Variants in PROSER1 observed in about 807,000 individuals in gnomAD.
PROSER1 encodes proline and serine rich 1.
A neutral mutation model predicts 71.8 loss-of-function variants in PROSER1; 36 were observed. The ratio of observed to expected loss-of-function variants is 0.50; its 90% CI spans 0.38 to 0.66. The LOEUF (loss-of-function observed/expected upper bound fraction) is 0.66. Among genes scored for constraint, PROSER1 ranks in the 30% least tolerant of loss-of-function variants. PROSER1 has a pLI of 0.00. For missense variants in PROSER1, 1,107 were observed against 1,135.0 expected, an observed-to-expected ratio of 0.98 and a Z score of 0.35; for synonymous variants, 490 against 452.4, an observed-to-expected ratio of 1.08 and a Z score of -1.06.
Position 39,012,865 on chromosome 13 carries a change from G to A in PROSER1, c.2387C>T (p.Thr796Ile). Residue 796 changes from threonine to isoleucine, a missense_variant, in exon 11 of 13, where the codon ACC becomes ATC. Coordinates refer to ENST00000352251, the MANE Select transcript of PROSER1 (RefSeq NM_025138.5). ...PSYPGFSVSN[T>I]PSVTPALPSF... ...GGGAAGAGCAGGGGTAACGCTTGGG[G>A]TATTAGAGACAGAAAAGCCTGGATA... 6.2e-7 allele frequency: 1 copy of A among 1,614,184 alleles called. No homozygotes were observed. The highest frequency in any genetic ancestry group is 8.5e-7 in the Non-Finnish European group (1 of 1,180,018).
chr13:39,013,170 GAATACTGGTGCAATGGGA>G lies in PROSER1; in HGVS notation c.2064_2081del (p.Pro689_Phe694del). On this transcript the variant is annotated inframe_deletion, in exon 11 of 13. Transcript: ENST00000352251. Reference sequence around the variant, plus strand: ...AAGAAGTAAAAGAAGGAAGAGCAGTGAATACTGGTGCAATGGGAGTGGAGGAACCATGTGGTGGAAGGG... The same window carrying G: ...AAGAAGTAAAAGAAGGAAGAGCAGTGGTGGAGGAACCATGTGGTGGAAGGG... The G allele has an allele frequency of 1.9e-6, 3 of 1,614,094 alleles. No individual in the cohort carries two copies. The highest frequency in any genetic ancestry group is 2.5e-6 in the Non-Finnish European group (3 of 1,179,964).
At chr13:39,016,944 C>T (rs948647810) in intron 10 of PROSER1, among the ~76,000 whole-genome samples, 2 of 152,236 alleles carry the variant, frequency 1.3e-5, no homozygotes, top group South Asian at 4.1e-4. Flanking sequence ...TTCCTGACCA[C>T]ACAGATCATC....
Position 39,014,184 on chromosome 13 carries a change from A to C in PROSER1, c.1068T>G (p.Thr356=). The C allele has an allele frequency of 6.2e-7, 1 of 1,614,052 alleles. No individual in the cohort carries two copies. The highest frequency in any genetic ancestry group is 8.5e-7 in the Non-Finnish European group (1 of 1,180,006). The stretch of plus-strand genomic sequence containing the variant: ...GGCCAGAAAAAATGGAAGGAACAGG[A>C]GTGGTGGTTGTACTGTGGATGGATG... The part of the protein sequence containing the change: ...PVTSIHSTTT[T]PVPSIFSGLV... The change falls in exon 11 of 13, where the codon ACT becomes ACG. Residue 356 remains threonine, a synonymous_variant. Coordinates refer to ENST00000352251, the MANE Select transcript of PROSER1 (RefSeq NM_025138.5).
chr13:39,028,291 G>A lies in PROSER1; in HGVS notation c.305C>T (p.Pro102Leu). 6.3e-7 allele frequency: 1 copy of A among 1,598,966 alleles called. No individual in the cohort carries two copies. The highest frequency in any genetic ancestry group is 1.1e-5 in the South Asian group (1 of 90,588). The stretch of plus-strand genomic sequence containing the variant: ...ATTTACCCTGAATAAATCTTCAATA[G>A]GACGAGAATTCTGTGCATCAATAAT... ...SNIIDAQNSR[P>L]IEDLFRVNMS... The change falls in exon 5 of 13, where the codon CCT becomes CTT. Residue 102 changes from proline to leucine, a missense_variant. Transcript: ENST00000352251.
rs573744329 is a variant in PROSER1, at chr13:39,019,626, T to C, written c.731-2082A>G. 2.0e-4 allele frequency among the ~76,000 whole-genome samples: 30 copies of C among 151,598 alleles called. No individual in the cohort carries two copies. In the South Asian group the frequency reaches 5.4e-3, roughly 27 times the overall value. ...ACCATTAAGAATAAGAAGGTAATCA[T>C]TGGCGATATTAGAGAAAATTTCTAA... On this transcript the variant is annotated intron_variant, in intron 9 of 12. Transcript: ENST00000352251.
In PROSER1 at chr13:39,012,150, T is replaced by C; in HGVS notation, c.2645A>G (p.Asn882Ser). 1.2e-6 allele frequency: 2 copies of C among 1,614,196 alleles called. No homozygotes were observed. Among genetic ancestry groups the C allele is most frequent in the Middle Eastern group, 1.7e-4 (1 of 6,060 alleles). The change falls in exon 12 of 13, where the codon AAT (asparagine) becomes AGT (serine). Residue 882 changes from asparagine to serine, a missense_variant. Asn to Ser is a conservative substitution (Grantham distance 46). Transcript: ENST00000352251. ...SLPGIPGFPQ[N>S]PSQSSLQELQ... ...TTCTTGCAAGGATGATTGTGAAGGA[T>C]TCTGAGGAAACCCAGGGATACCCGG...
chr13:39,015,477 A>G (rs1209425679), intron 10 of PROSER1, among the ~76,000 whole-genome samples: 1 of 152,216 alleles, frequency 6.6e-6, no homozygotes, highest in African/African-American at 2.4e-5. Flanking sequence ...CAACTGAGAA[A>G]TATTTTCATG....
chr13:39,025,570 T>A (rs1870507673), intron 6 of PROSER1, among the ~76,000 whole-genome samples: 1 of 152,184 alleles, frequency 6.6e-6, no homozygotes. Flanking sequence ...AAAGTCTTTG[T>A]GGTGGACAAC....
In PROSER1 at chr13:39,028,295, G is replaced by A. The variant is rs747132111; in HGVS notation, c.301C>T (p.Arg101Cys). Residue 101 changes from arginine (R) to cysteine (C), a missense_variant, in exon 5 of 13, where the codon CGT (arginine) becomes TGT (cysteine). Transcript: ENST00000352251. Reference sequence around the variant, plus strand: ...ACCCTGAATAAATCTTCAATAGGACGAGAATTCTGTGCATCAATAATGTTC... The same window carrying A: ...ACCCTGAATAAATCTTCAATAGGACAAGAATTCTGTGCATCAATAATGTTC... The part of the protein sequence containing the change: ...ASNIIDAQNS[R>C]PIEDLFRVNM... 5.0e-6 allele frequency: 8 copies of A among 1,596,488 alleles called. No homozygotes were observed. The highest frequency in any genetic ancestry group is 2.2e-5 in the South Asian group (2 of 90,526).
At chr13:39,011,629 G>T in intron 12 of PROSER1, 142 bp from the exon 13 acceptor site, 1 of 776,806 alleles carries the variant, frequency 1.3e-6, no homozygotes, top group Non-Finnish European at 1.9e-6. Flanking sequence ...AGTCTGCTCA[G>T]TCACTTAAAA....
At chr13:39,014,891 C>A in intron 10 of PROSER1, among the ~76,000 whole-genome samples, 1 of 152,178 alleles carries the variant, frequency 6.6e-6, no homozygotes, top group Non-Finnish European at 1.5e-5. Flanking sequence ...GCTTCCCTTG[C>A]AGGGCCATAC....
chr13:39,029,107 G>T (rs1290806937), intron 4 of PROSER1, 174 bp downstream of exon 4: 3 of 435,872 alleles, frequency 6.9e-6, no homozygotes, highest in Non-Finnish European at 1.2e-5. Context: ...ATAAGTTATA[G>T]TCATATATGT....
rs754693388 is a variant in PROSER1, at chr13:39,023,139, T to TG, written c.565-10dup. 6.2e-7 allele frequency: 1 copy of TG among 1,605,586 alleles called. No homozygotes were observed. Among genetic ancestry groups the TG allele is most frequent in the Non-Finnish European group, 8.5e-7 (1 of 1,172,660 alleles). Reference sequence around the variant, plus strand: ...TTATATGTTGAAGGAGGCTAAAACATGGGGGAAAATACAGCAGTTAGAAGA... The same window carrying TG: ...TTATATGTTGAAGGAGGCTAAAACATGGGGGGAAAATACAGCAGTTAGAAGA... On this transcript the variant is annotated splice_polypyrimidine_tract_variant and intron_variant, in intron 7 of 12. Transcript: ENST00000352251.
chr13:39,025,709 T>C (rs1015590881), intron 6 of PROSER1, among the ~76,000 whole-genome samples: 2 of 152,142 alleles, frequency 1.3e-5, no homozygotes, highest in African/African-American at 2.4e-5. Flanking sequence ...GAACCAGAAC[T>C]ATCCAGCTAA....
chr13:39,013,546 G>T lies in PROSER1; in HGVS notation c.1706C>A (p.Thr569Lys). The T allele has an allele frequency of 6.2e-7, 1 of 1,614,104 alleles. No individual in the cohort carries two copies. The highest frequency in any genetic ancestry group is 1.1e-5 in the South Asian group (1 of 91,072). The change falls in exon 11 of 13, where the codon ACG becomes AAG. Residue 569 changes from threonine to lysine, a missense_variant. By Grantham distance (78) the Thr-to-Lys change is moderately conservative (BLOSUM62 -1). Coordinates refer to ENST00000352251, the MANE Select transcript of PROSER1 (RefSeq NM_025138.5). ...SPLATAASASTSVPVSCGSSA... is the reference protein window; with the variant it reads ...SPLATAASASKSVPVSCGSSA... The stretch of plus-strand genomic sequence containing the variant: ...GGAGCCACAGCTAACTGGCACTGAC[G>T]TGGAAGCTGATGCAGCAGTGGCTAA...
At chr13:39,026,642 T>G (rs1345328023) in intron 5 of PROSER1, among the ~76,000 whole-genome samples, 1 of 152,224 alleles carries the variant, frequency 6.6e-6, no homozygotes, top group Non-Finnish European at 1.5e-5. Context: ...CAGTAGATTT[T>G]GTAAATTGTG....
intron 3 of PROSER1, 124 bp from the exon 4 acceptor site, chr13:39,029,499 G>A: frequency 4.1e-6 from 2 of 489,522 alleles, no homozygotes; most frequent in Non-Finnish European, 7.1e-6. Context: ...TCACATTTTA[G>A]GTGAAAACCA....
chr13:39,014,183 G>T lies in PROSER1; in HGVS notation c.1069C>A (p.Pro357Thr). ...AGGCCAGAAAAAATGGAAGGAACAG[G>T]AGTGGTGGTTGTACTGTGGATGGAT... Reference protein sequence around the residue: ...VTSIHSTTTTPVPSIFSGLVS... With the variant: ...VTSIHSTTTTTVPSIFSGLVS... Residue 357 changes from proline to threonine, a missense_variant, in exon 11 of 13, where the codon CCT (proline) becomes ACT (threonine). Transcript: ENST00000352251. The T allele has an allele frequency of 6.2e-7, 1 of 1,614,194 alleles. No homozygotes were observed. Among genetic ancestry groups the T allele is most frequent in the Non-Finnish European group, 8.5e-7 (1 of 1,180,038 alleles).
chr13:39,035,431 G>C lies in PROSER1; in HGVS notation c.46-1235C>G, dbSNP rs71439795. Reference sequence around the variant, plus strand: ...CCACCTAGGGAGTCTTGAGCTGATAGTTAACCTCACAGAGAATAGGCCACC... The same window carrying C: ...CCACCTAGGGAGTCTTGAGCTGATACTTAACCTCACAGAGAATAGGCCACC... On this transcript the variant is annotated intron_variant, in intron 1 of 12. Coordinates refer to ENST00000352251, the MANE Select transcript of PROSER1 (RefSeq NM_025138.5). Among the ~76,000 whole-genome samples, 824 of 152,296 alleles carry C rather than the reference G, an allele frequency of 5.4e-3. 5 individuals carry two copies. The highest frequency in any genetic ancestry group is 0.013 in the Admixed American group (193 of 15,288).
Sources: gnomAD v4.1 joint callset for allele counts (sites outside exome capture counted in the v4.1 genomes callset) on GRCh38, gnomAD v4.1.1 for gene constraint, MANE v1.5 for transcripts, NCBI Gene and HGNC (gene_info 2026-07-23, HGNC 2026-07-21) for gene names.